Variants in LRCH1 observed in about 807,000 individuals in gnomAD.
LRCH1 encodes the protein leucine-rich repeat and calponin homology domain-containing protein 1.
A neutral mutation model predicts 94.9 loss-of-function variants in LRCH1; 23 were observed. That is an observed-to-expected ratio of 0.24 (90% CI 0.17 to 0.34). The LOEUF (loss-of-function observed/expected upper bound fraction) is 0.34. Among genes scored for constraint, LRCH1 ranks in the 10% least tolerant of loss-of-function variants. LRCH1 has a pLI of 1.00. For synonymous variants in LRCH1, 364 were observed against 354.9 expected (o/e 1.03, Z -0.29); for missense variants, 790 against 945.9 (o/e 0.84, Z 2.16).
In LRCH1 at chr13:46,692,490, T is replaced by C. The variant is rs770990087; in HGVS notation, c.1015-46T>C. On this transcript the variant is annotated intron_variant, in intron 7 of 19. Coordinates refer to ENST00000389797, the MANE Select transcript of LRCH1 (RefSeq NM_001164211.2). ...TTACATAGCATTCTCCTTATCTACA[T>C]TGATAACACTTCTCTTGAGTTAAAC... is the stretch of plus-strand genomic sequence containing the variant. The C allele has an allele frequency of 3.0e-6, 4 of 1,311,874 alleles. No homozygotes were observed. In the East Asian group the frequency reaches 6.9e-5, roughly 23 times the overall value. The allele number at this position is 1,311,874 out of a possible 1,614,324, so 81.3% of individuals were successfully genotyped here. A position where few individuals can be genotyped will look rare whatever the true frequency, so the allele number is the denominator to read the frequency against.
intron 19 of LRCH1, among the ~76,000 whole-genome samples, chr13:46,740,768 A>G (rs1873610659): frequency 6.6e-6 from 1 of 152,224 alleles, no homozygotes; most frequent in Admixed American, 6.5e-5. Context: ...AGCATGTGAG[A>G]CAATTGTTTG....
chr13:46,629,512 G>T (rs981534109), intron 1 of LRCH1, among the ~76,000 whole-genome samples: 2 of 152,150 alleles, frequency 1.3e-5, no homozygotes, highest in Non-Finnish European at 2.9e-5. Flanking sequence ...GGAGCCCCTT[G>T]TAACTCAGCC....
chr13:46,561,079 G>C (rs1261117704), intron 1 of LRCH1, among the ~76,000 whole-genome samples: 1 of 152,102 alleles, frequency 6.6e-6, no homozygotes, highest in African/African-American at 2.4e-5. Flanking sequence ...GGCCATAAAG[G>C]AGGATATAGC....
chr13:46,712,178 G>C (rs964759528), intron 14 of LRCH1, among the ~76,000 whole-genome samples: 8 of 152,166 alleles, frequency 5.3e-5, no homozygotes, highest in African/African-American at 1.9e-4. Flanking sequence ...AGTATTATCT[G>C]TTTCCTCATC....
At chr13:46,646,306 TATC>T (rs1434790657) in intron 1 of LRCH1, among the ~76,000 whole-genome samples, 1 of 152,202 alleles carries the variant, frequency 6.6e-6, no homozygotes, top group South Asian at 2.1e-4. Context: ...TTACATATGT[TATC>T]ATAATATGTA....
intron 1 of LRCH1, among the ~76,000 whole-genome samples, chr13:46,561,442 G>A (rs2050128984): frequency 6.6e-6 from 1 of 152,180 alleles, no homozygotes; most frequent in African/African-American, 2.4e-5. Context: ...TGGGCAGAAA[G>A]TGGCCCCCAT....
chr13:46,643,626 G>T (rs937790739), intron 1 of LRCH1, among the ~76,000 whole-genome samples: 4 of 152,030 alleles, frequency 2.6e-5, no homozygotes, highest in Non-Finnish European at 5.9e-5. Flanking sequence ...CTTCCCCATG[G>T]TGTGCTCTCA....
At chr13:46,562,955 G>A (rs1284608704) in intron 1 of LRCH1, among the ~76,000 whole-genome samples, 2 of 152,116 alleles carry the variant, frequency 1.3e-5, no homozygotes, top group Non-Finnish European at 2.9e-5. Flanking sequence ...ATCTCTCATA[G>A]ACTTAGAATC....
chr13:46,578,089 T>TC (rs1373639689), intron 1 of LRCH1, among the ~76,000 whole-genome samples: 1 of 152,130 alleles, frequency 6.6e-6, no homozygotes, highest in East Asian at 1.9e-4. Flanking sequence ...TGGCACCTCC[T>TC]CCCCCATCTC....
At chr13:46,689,278 G>T in intron 7 of LRCH1, 82 bp downstream of exon 7, 1 of 992,924 alleles carries the variant, frequency 1.0e-6, no homozygotes, top group South Asian at 1.6e-5. Flanking sequence ...TCTGTTAAAG[G>T]GCATCGATTC....
At chr13:46,735,687 A>G (rs113279626) in intron 19 of LRCH1, among the ~76,000 whole-genome samples, 4,437 of 152,014 alleles carry the variant, frequency 0.029, 232 homozygotes, top group African/African-American at 0.1. Context: ...GCAGTGAATG[A>G]TCTTTATCTG....
intron 3 of LRCH1, among the ~76,000 whole-genome samples, chr13:46,678,014 T>A (rs1173832420): frequency 1.3e-5 from 2 of 152,228 alleles, no homozygotes; most frequent in African/African-American, 4.8e-5. Context: ...AGGGATTCAT[T>A]TGACTATTTT....
At chr13:46,673,783 C>G (rs926277770) in intron 3 of LRCH1, among the ~76,000 whole-genome samples, 1 of 117,088 alleles carries the variant, frequency 8.5e-6, no homozygotes, top group African/African-American at 3.4e-5. Context: ...GAGACAGAGT[C>G]TTGCTCTGTC....
chr13:46,626,498 T>G (rs2050951625), intron 1 of LRCH1, among the ~76,000 whole-genome samples: 1 of 152,204 alleles, frequency 6.6e-6, no homozygotes, highest in African/African-American at 2.4e-5. Flanking sequence ...TCCTTACCCT[T>G]GAGAATGTAC....
intron 1 of LRCH1, among the ~76,000 whole-genome samples, chr13:46,624,689 A>G (rs934133856): frequency 1.3e-5 from 2 of 152,242 alleles, no homozygotes; most frequent in African/African-American, 2.4e-5. Context: ...GCCTCCTTGC[A>G]AAGTTAGAAT....
intron 2 of LRCH1, among the ~76,000 whole-genome samples, chr13:46,653,269 C>T (rs889918071): frequency 6.6e-6 from 1 of 152,138 alleles, no homozygotes; most frequent in African/African-American, 2.4e-5. Context: ...TGTTTTTGTT[C>T]TGTTTTTCTT....
intron 1 of LRCH1, among the ~76,000 whole-genome samples, chr13:46,568,223 A>G (rs1434743240): frequency 6.6e-6 from 1 of 152,218 alleles, no homozygotes; most frequent in East Asian, 1.9e-4. Flanking sequence ...AAGTGGCACC[A>G]TCCTAAATCC....
At chr13:46,699,129 A>C (rs1871338461) in intron 9 of LRCH1, among the ~76,000 whole-genome samples, 3 of 152,230 alleles carry the variant, frequency 2.0e-5, no homozygotes, top group Admixed American at 2.0e-4. Flanking sequence ...CATGCATGAG[A>C]ATTTCCCCCT....
chr13:46,747,560 A>T (rs1873958887), downstream of LRCH1, among the ~76,000 whole-genome samples: 1 of 152,202 alleles, frequency 6.6e-6, no homozygotes, highest in African/African-American at 2.4e-5. Flanking sequence ...GAATTCAGGC[A>T]CATTCTAGAC....
Sources: gnomAD v4.1 joint callset for allele counts (sites outside exome capture counted in the v4.1 genomes callset) on GRCh38, gnomAD v4.1.1 for gene constraint, MANE v1.5 for transcripts, NCBI Gene and HGNC (gene_info 2026-07-23, HGNC 2026-07-21) for gene names.